SRBD1: variants seen among roughly 807,000 people sequenced by gnomAD.
SRBD1 encodes S1 RNA binding domain 1.
SRBD1 carries 88 observed loss-of-function variants against 115.3 expected under a neutral mutation model. The ratio of observed to expected loss-of-function variants is 0.76; its 90% CI spans 0.64 to 0.91. The LOEUF (loss-of-function observed/expected upper bound fraction) is 0.91. SRBD1 is among the 40% of genes least tolerant of loss of function. The pLI is 0.00. For synonymous variants in SRBD1, 509 were observed against 407.7 expected (o/e 1.25, Z -2.99); for missense variants, 1,385 against 1,177.4 (o/e 1.18, Z -2.58).
intron 10 of SRBD1, among the ~76,000 whole-genome samples, chr2:45,558,183 A>G (rs1436682208): frequency 6.6e-6 from 1 of 152,196 alleles, no homozygotes; most frequent in Middle Eastern, 3.2e-3. Context: ...CAAGTTCTGA[A>G]GCCAGGTGTG....
intron 19 of SRBD1, among the ~76,000 whole-genome samples, chr2:45,408,636 A>G (rs2103847499): frequency 6.6e-6 from 1 of 152,306 alleles, no homozygotes; most frequent in South Asian, 2.1e-4. Flanking sequence ...TGCTGATGAC[A>G]TTATAAATCA....
At position 45,389,243 on chromosome 2, in the gene SRBD1, A is replaced by G; in HGVS notation, c.*67T>C. The G allele has an allele frequency of 6.5e-7, 1 of 1,538,144 alleles. No homozygotes were observed. Among genetic ancestry groups the G allele is most frequent in the Non-Finnish European group, 8.8e-7 (1 of 1,138,114 alleles). ...ATCTGCTACCTAGAGTTTACAAACA[A>G]CTGACTTATCCTTGTCAATCTGTGG... On this transcript the variant is annotated 3_prime_UTR_variant, in exon 21 of 21. Coordinates refer to ENST00000263736, the MANE Select transcript of SRBD1 (RefSeq NM_018079.5).
chr2:45,574,606 C>T, intron 8 of SRBD1, 21 bp downstream of exon 8: 1 of 1,606,802 alleles, frequency 6.2e-7, no homozygotes, highest in South Asian at 1.1e-5. Flanking sequence ...AAGCAGAAAA[C>T]TCCATAAAAG....
At chr2:45,535,510 G>C (rs528913287) in intron 14 of SRBD1, among the ~76,000 whole-genome samples, 4 of 151,386 alleles carry the variant, frequency 2.6e-5, no homozygotes, top group Non-Finnish European at 4.4e-5. Flanking sequence ...TTTCCCTCTG[G>C]AACAACAAAA....
rs768832764 is a variant in SRBD1 at position 45,562,690 on chromosome 2, C to G, written c.1372G>C (p.Val458Leu). The change falls in exon 10 of 21, where the codon GTG becomes CTG. Residue 458 changes from valine (V) to leucine (L), a missense_variant. Transcript: ENST00000263736. ...CACCACCTACAGAATTCATCCTTCA[C>G]TCCATCAGAAATATTGACCTTAACC... is the stretch of plus-strand genomic sequence containing the variant. ...LTVKVNISDG[V>L]KDEFCRWCIQ... 5 of 1,612,158 alleles carry G rather than the reference C, an allele frequency of 3.1e-6. No homozygotes were observed. The highest frequency in any genetic ancestry group is 1.1e-5 in the South Asian group (1 of 90,582).
chr2:45,481,760 T>A (rs149966834), intron 15 of SRBD1, among the ~76,000 whole-genome samples: 2 of 152,042 alleles, frequency 1.3e-5, no homozygotes, highest in East Asian at 1.9e-4. Context: ...ACCCATACAA[T>A]AGAATGTTAT....
At chr2:45,488,024 A>G (rs559294868) in intron 15 of SRBD1, among the ~76,000 whole-genome samples, 4 of 152,322 alleles carry the variant, frequency 2.6e-5, no homozygotes, top group Non-Finnish European at 5.9e-5. Context: ...TCCACTATAG[A>G]ACAGTAGTGT....
intron 14 of SRBD1, among the ~76,000 whole-genome samples, chr2:45,528,813 C>T (rs1009689234): frequency 4.0e-5 from 6 of 151,752 alleles, no homozygotes; most frequent in African/African-American, 1.5e-4. Flanking sequence ...GATTAACAGG[C>T]TTAGAAGTAC....
intron 9 of SRBD1, among the ~76,000 whole-genome samples, chr2:45,572,882 A>G (rs1331961298): frequency 6.6e-6 from 1 of 152,140 alleles, no homozygotes. Flanking sequence ...TGTATTTCAC[A>G]GGGAAGAGAT....
chr2:45,444,902 G>T (rs1001675646), intron 16 of SRBD1, among the ~76,000 whole-genome samples: 2 of 152,206 alleles, frequency 1.3e-5, no homozygotes, highest in Non-Finnish European at 2.9e-5. Context: ...GCCTTCAGAA[G>T]TCAGTCAGAA....
intron 16 of SRBD1, among the ~76,000 whole-genome samples, chr2:45,471,032 A>G (rs1436064620): frequency 6.6e-6 from 1 of 152,220 alleles, no homozygotes; most frequent in Non-Finnish European, 1.5e-5. Context: ...ATGTTTGTCC[A>G]TCTACTCATA....
intron 7 of SRBD1, among the ~76,000 whole-genome samples, chr2:45,575,555 A>C (rs1673150374): frequency 6.6e-6 from 1 of 152,242 alleles, no homozygotes; most frequent in Admixed American, 6.5e-5. Flanking sequence ...AATAAGTAAT[A>C]AGGTACAAAA....
rs369439026 is a variant in SRBD1, at chr2:45,579,984, C to T, written c.963G>A (p.Gly321=). 7 of 1,590,934 alleles carry T rather than the reference C, an allele frequency of 4.4e-6. No individual in the cohort carries two copies. The African/African-American group carries it at 8.2e-5, about 19-fold the overall frequency. The stretch of plus-strand genomic sequence containing the variant: ...ACTGTCTTGCTCTCTGGGCTTTAGT[C>T]CCTTTGCTTCCAGTTTTATATGGAG... ...VSAPYKTGSK[G]TKAQRARQLG... Residue 321 remains glycine, a synonymous_variant, in exon 7 of 21, where the codon GGG becomes GGA. Transcript: ENST00000263736.
chr2:45,492,517 C>T (rs2103867037), intron 14 of SRBD1, among the ~76,000 whole-genome samples: 1 of 152,286 alleles, frequency 6.6e-6, no homozygotes, highest in South Asian at 2.1e-4. Context: ...CCGCTCACTG[C>T]AAGCTCCACC....
intron 9 of SRBD1, among the ~76,000 whole-genome samples, chr2:45,568,573 A>G (rs1412707870): frequency 1.3e-5 from 2 of 152,194 alleles, no homozygotes; most frequent in African/African-American, 4.8e-5. Flanking sequence ...CCAGGCCTGA[A>G]TACTGTCACA....
intron 14 of SRBD1, 115 bp downstream of exon 14, chr2:45,546,617 G>A: frequency 3.0e-6 from 3 of 1,007,302 alleles, no homozygotes; most frequent in Non-Finnish European, 4.5e-6. Context: ...ACCAAGAGGT[G>A]GTCTGGAGGG....
At chr2:45,439,059 C>T (rs752707656) in intron 16 of SRBD1, among the ~76,000 whole-genome samples, 43 of 151,982 alleles carry the variant, frequency 2.8e-4, no homozygotes, top group Non-Finnish European at 5.9e-5. Flanking sequence ...ACAACAGAGG[C>T]CAGGAGACAA....
At chr2:45,501,303 A>G (rs934850520) in intron 14 of SRBD1, among the ~76,000 whole-genome samples, 4 of 152,292 alleles carry the variant, frequency 2.6e-5, no homozygotes, top group African/African-American at 4.8e-5. Flanking sequence ...TTTAGACAAG[A>G]TATCACTCTG....
In SRBD1 at chr2:45,389,402, C is replaced by G. The variant is rs1666935636; in HGVS notation, c.2896G>C (p.Gly966Arg). The change falls in exon 21 of 21, where the codon GGA (glycine) becomes CGA (arginine). Residue 966 changes from glycine (G) to arginine (R), a missense_variant. Physicochemically the swap from Gly to Arg is moderately radical, Grantham distance 125. Coordinates refer to ENST00000263736, the MANE Select transcript of SRBD1 (RefSeq NM_018079.5). ...TCCACTCTTTCTCCGGGGCCCAGTC[C>G]AAGGCTTCTTCTCTTCTTTGTTTTT... The part of the protein sequence containing the change: ...LSKTKKRRSL[G>R]LGPGERVEVQ... The G allele has an allele frequency of 6.2e-7, 1 of 1,613,860 alleles. No homozygotes were observed. Among genetic ancestry groups the G allele is most frequent in the Admixed American group, 1.7e-5 (1 of 59,978 alleles).
Sources: gnomAD v4.1 joint callset for allele counts (sites outside exome capture counted in the v4.1 genomes callset) on GRCh38, gnomAD v4.1.1 for gene constraint, MANE v1.5 for transcripts, NCBI Gene and HGNC (gene_info 2026-07-23, HGNC 2026-07-21) for gene names.